C7: variants seen among roughly 807,000 people sequenced by gnomAD.
The protein encoded by C7 is complement C7, also known as complement component C7.
In C7, 83 loss-of-function variants were observed where a neutral mutation model predicts 104.8. The observed-to-expected ratio is 0.79, with a 90% CI of 0.66 to 0.95. The LOEUF is 0.95. Among genes scored for constraint, C7 ranks in the 40% least tolerant of loss-of-function variants. The pLI is 0.00. For synonymous variants in C7, 415 were observed against 360.6 expected (o/e 1.15, Z -1.71); for missense variants, 1,070 against 1,011.2 (o/e 1.06, Z -0.79).
intron 16 of C7, 134 bp downstream of exon 16, chr5:40,976,974 G>T (rs1436717735): frequency 1.5e-6 from 1 of 649,176 alleles, no homozygotes; most frequent in Non-Finnish European, 2.6e-6. Flanking sequence ...TTTCGATGTA[G>T]TCCATCTGCT....
chr5:40,938,417 C>T (rs1389792577), intron 6 of C7, among the ~76,000 whole-genome samples: 1 of 152,104 alleles, frequency 6.6e-6, no homozygotes, highest in Non-Finnish European at 1.5e-5. Flanking sequence ...GAGATTTACT[C>T]ATGCTGTTGC....
At chr5:40,932,393 C>G (rs368911138) in intron 3 of C7, among the ~76,000 whole-genome samples, 1 of 151,896 alleles carries the variant, frequency 6.6e-6, no homozygotes, top group Admixed American at 6.6e-5. Flanking sequence ...GAGGATAGTC[C>G]TAGAAATAAA....
intron 10 of C7, among the ~76,000 whole-genome samples, chr5:40,957,179 G>A (rs1740305392): frequency 6.6e-6 from 1 of 152,202 alleles, no homozygotes; most frequent in African/African-American, 2.4e-5. Context: ...CAGTTACACT[G>A]CAGAAACTGG....
At chr5:40,925,261 A>T (rs1739528042) in intron 1 of C7, among the ~76,000 whole-genome samples, 1 of 152,190 alleles carries the variant, frequency 6.6e-6, no homozygotes. Context: ...ACCCTAAGTT[A>T]TCACTCTTAA....
chr5:40,922,919 C>T (rs574492045), intron 1 of C7, among the ~76,000 whole-genome samples: 146 of 152,126 alleles, frequency 9.6e-4, no homozygotes, highest in Non-Finnish European at 1.8e-3. Context: ...GTCTAGGCAA[C>T]GTTTTTTGGG....
intron 14 of C7, among the ~76,000 whole-genome samples, chr5:40,969,390 T>C (rs1414132373): frequency 6.6e-6 from 1 of 151,818 alleles, no homozygotes; most frequent in African/African-American, 2.4e-5. Flanking sequence ...TCTGTTACTG[T>C]AAGTCTGTTT....
rs368368173 is a variant in C7 at position 40,961,641 on chromosome 5, C to T, written c.1662-444C>T. Among the ~76,000 whole-genome samples, 8 of 152,302 alleles carry T rather than the reference C, an allele frequency of 5.3e-5. No homozygotes were observed. The South Asian group carries it at 1.7e-3, about 32-fold the overall frequency. On this transcript the variant is annotated intron_variant, in intron 12 of 17. Coordinates refer to ENST00000313164, the MANE Select transcript of C7 (RefSeq NM_000587.4). ...CCTCAGGCTATCTGCCTGCCCTGTCCTCCCAAAGTGCTGGGATTACAGGCG... is the reference window on the plus strand; with the variant it reads ...CCTCAGGCTATCTGCCTGCCCTGTCTTCCCAAAGTGCTGGGATTACAGGCG...
intron 9 of C7, among the ~76,000 whole-genome samples, chr5:40,952,643 C>T (rs988415882): frequency 5.9e-5 from 9 of 152,070 alleles, no homozygotes; most frequent in African/African-American, 1.9e-4. Flanking sequence ...ATCCCTCCCC[C>T]CTCTCCCCAC....
In C7 at chr5:40,955,376, C is replaced by G. The variant is rs753271090; in HGVS notation, c.1094-11C>G. ...AGACTTTTCACTTTTCATTTGCTTT[C>G]TTCTGTATAGGAACCCAGAACAATG... On this transcript the variant is annotated splice_polypyrimidine_tract_variant and intron_variant, in intron 9 of 17. Transcript: ENST00000313164. 2.5e-6 allele frequency: 4 copies of G among 1,575,110 alleles called. No individual in the cohort carries two copies. In the Admixed American group the frequency reaches 6.0e-5, roughly 24 times the overall value.
chr5:40,941,387 A>G (rs1037917679), intron 6 of C7, among the ~76,000 whole-genome samples: 2 of 152,122 alleles, frequency 1.3e-5, no homozygotes, highest in Non-Finnish European at 2.9e-5. Context: ...TGAATAACTG[A>G]ATGAAGTTCA....
intron 16 of C7, among the ~76,000 whole-genome samples, chr5:40,979,171 T>C (rs1410225342): frequency 6.6e-6 from 1 of 152,114 alleles, no homozygotes; most frequent in Admixed American, 6.5e-5. Flanking sequence ...CCCAAACTTA[T>C]GGAAATATTT....
At chr5:40,981,172 A>G (rs1740933143) in intron 17 of C7, among the ~76,000 whole-genome samples, 1 of 152,200 alleles carries the variant, frequency 6.6e-6, no homozygotes, top group African/African-American at 2.4e-5. Flanking sequence ...TGGTCTAACC[A>G]ATATAAAGCC....
chr5:40,928,505 A>T, intron 1 of C7, 75 bp from the exon 2 acceptor site: 1 of 823,368 alleles, frequency 1.2e-6, no homozygotes, highest in East Asian at 2.8e-5. Flanking sequence ...AAATTTATAC[A>T]ATTATAAATT....
Position 40,981,378 on chromosome 5 carries a change from A to G in C7, c.2351-14A>G, listed in dbSNP as rs1740938419. On this transcript the variant is annotated splice_polypyrimidine_tract_variant and intron_variant, in intron 17 of 17. Transcript: ENST00000313164. The stretch of plus-strand genomic sequence containing the variant: ...CACAATGTACCATTAAGCCTCTTTC[A>G]CTTACTTTTCCAGCTGAGAGCAGCA... 6.2e-7 allele frequency: 1 copy of G among 1,604,762 alleles called. No individual in the cohort carries two copies.
Position 40,977,556 on chromosome 5 carries a change from T to C in C7, c.2165+716T>C, listed in dbSNP as rs977143189. Among the ~76,000 whole-genome samples the C allele has an allele frequency of 2.6e-5, 4 of 152,124 alleles. No homozygotes were observed. In the East Asian group the frequency reaches 5.8e-4, roughly 22 times the overall value. On this transcript the variant is annotated intron_variant, in intron 16 of 17. Transcript: ENST00000313164. ...GGAGACAGAGAGGGCTGTGTGGAGA[T>C]GGCCCTGAGGAGGAGCTGACACTCT...
intron 15 of C7, among the ~76,000 whole-genome samples, chr5:40,973,988 T>C (rs1170423606): frequency 1.3e-5 from 2 of 152,224 alleles, no homozygotes; most frequent in African/African-American, 4.8e-5. Context: ...AATCCAAGAC[T>C]TACCAGCTTC....
chr5:40,924,827 G>T (rs536218150), intron 1 of C7, among the ~76,000 whole-genome samples: 1 of 152,366 alleles, frequency 6.6e-6, no homozygotes, highest in Admixed American at 6.5e-5. Flanking sequence ...TGGCCTGCAT[G>T]CAGGGATCAG....
Position 40,981,673 on chromosome 5 carries a change from C to T in C7, c.*100C>T. ...GGGCACTGGACAGCTTTTCCTTCTT[C>T]TCCAGTGTCTACCTTCCTCCTCAAC... On this transcript the variant is annotated 3_prime_UTR_variant, in exon 18 of 18. Transcript: ENST00000313164. The T allele has an allele frequency of 1.1e-6, 1 of 938,140 alleles. No homozygotes were observed. The highest frequency in any genetic ancestry group is 1.8e-5 in the South Asian group (1 of 55,204). The allele number at this position is 938,140 out of a possible 1,614,324, so 58.1% of individuals were successfully genotyped here.
At chr5:40,967,648 T>G (rs1489223649) in intron 14 of C7, 1 of 199,294 alleles carries the variant, frequency 5.0e-6, no homozygotes, top group East Asian at 1.2e-4. Context: ...ATTTTTATCC[T>G]GTATCACCAA....
Sources: gnomAD v4.1 joint callset for allele counts (sites outside exome capture counted in the v4.1 genomes callset) on GRCh38, gnomAD v4.1.1 for gene constraint, MANE v1.5 for transcripts, NCBI Gene and HGNC (gene_info 2026-07-23, HGNC 2026-07-21) for gene names.